The following PCSK5 variants were observed in gnomAD, a reference collection of about 807,000 sequenced individuals.
PCSK5 encodes proprotein convertase subtilisin/kexin type 5.
A neutral mutation model predicts 233.2 loss-of-function variants in PCSK5; 129 were observed. The ratio of observed to expected loss-of-function variants is 0.55; its 90% confidence interval spans 0.48 to 0.64. PCSK5 has a LOEUF of 0.64. Among genes scored for constraint, PCSK5 ranks in the 30% least tolerant of loss-of-function variants. PCSK5 has a pLI of 0.00. For synonymous variants in PCSK5, 825 were observed against 879.2 expected (o/e 0.94, Z 1.09); for missense variants, 2,076 against 2,430.1 (o/e 0.85, Z 3.06).
intron 9 of PCSK5, among the ~76,000 whole-genome samples, chr9:76,118,758 A>G (rs191434927): frequency 1.8e-3 from 277 of 152,130 alleles, no homozygotes; most frequent in African/African-American, 6.0e-3. Flanking sequence ...ACATATATAT[A>G]AATCATGCAG....
At chr9:76,219,912 C>T (rs776311547) in intron 20 of PCSK5, among the ~76,000 whole-genome samples, 7 of 152,200 alleles carry the variant, frequency 4.6e-5, no homozygotes, top group Non-Finnish European at 8.8e-5. Flanking sequence ...TTAGATATCG[C>T]CTCACCGTGA....
At chr9:76,046,539 C>CT (rs34569367) in intron 5 of PCSK5, among the ~76,000 whole-genome samples, 7 of 131,864 alleles carry the variant, frequency 5.3e-5, no homozygotes, top group Non-Finnish European at 9.5e-5. Context: ...AACTCTAGTT[C>CT]TTTTTTTTTC....
At chr9:75,926,562 C>G (rs935131960) in intron 1 of PCSK5, among the ~76,000 whole-genome samples, 1 of 152,200 alleles carries the variant, frequency 6.6e-6, no homozygotes, top group Non-Finnish European at 1.5e-5. Flanking sequence ...AAATGCAAAA[C>G]ATTCTCAGCA....
chr9:76,232,729 T>G (rs150622376), intron 21 of PCSK5, among the ~76,000 whole-genome samples: 57 of 152,306 alleles, frequency 3.7e-4, no homozygotes, highest in African/African-American at 1.3e-3. Flanking sequence ...CAAAGAATAA[T>G]GAAGCAAAAC....
At chr9:75,943,987 A>AC (rs1305361000) in intron 2 of PCSK5, among the ~76,000 whole-genome samples, 20 of 151,824 alleles carry the variant, frequency 1.3e-4, no homozygotes, top group Non-Finnish European at 2.9e-4. Flanking sequence ...ACATAGTGAG[A>AC]CCCCGTCTCA....
At chr9:76,339,378 T>C (rs1829767670) in intron 35 of PCSK5, among the ~76,000 whole-genome samples, 1 of 152,264 alleles carries the variant, frequency 6.6e-6, no homozygotes, top group South Asian at 2.1e-4. Context: ...TTTTTAAAAA[T>C]CTTTCATTTT....
intron 20 of PCSK5, chr9:76,195,762 T>C (rs902735907): frequency 2.0e-5 from 3 of 152,178 alleles, no homozygotes; most frequent in East Asian, 3.8e-4. Flanking sequence ...TGAAAAATAC[T>C]GTACATGTGT....
At chr9:75,951,377 G>C (rs1373270257) in intron 2 of PCSK5, among the ~76,000 whole-genome samples, 5 of 152,150 alleles carry the variant, frequency 3.3e-5, no homozygotes, top group Non-Finnish European at 5.9e-5. Context: ...AATTATGAAG[G>C]CATTCTGAAA....
Position 75,891,205 on chromosome 9 carries a change from C to T in PCSK5, c.24C>T (p.Cys8=). The T allele has an allele frequency of 1.3e-6, 2 of 1,487,872 alleles. No individual in the cohort carries two copies. Among genetic ancestry groups the T allele is most frequent in the South Asian group, 1.4e-5 (1 of 70,806 alleles). The allele number at this position is 1,487,872 out of a possible 1,614,324, so 92.2% of individuals were successfully genotyped here. A position where few individuals can be genotyped will look rare whatever the true frequency, so the allele number is the denominator to read the frequency against. The change falls in exon 1 of 38, where the codon TGC becomes TGT. Residue 8 remains cysteine, a synonymous_variant. Transcript: ENST00000674117. MGWGSRC[C]CPGRLDLLCV... ...CCATGGGCTGGGGGAGCCGCTGCTG[C>T]TGCCCGGGACGTTTGGACCTGCTGT...
Position 76,134,083 on chromosome 9 carries a change from A to G in PCSK5, c.1209-26A>G, listed in dbSNP as rs368179217. The stretch of plus-strand genomic sequence containing the variant: ...CCCCATCTTTTTTTTTTTTGGTACA[A>G]TGATTCTTACCTTGTCTTTCCCCAG... On this transcript the variant is annotated intron_variant, in intron 9 of 37. Transcript: ENST00000674117. 81 of 1,407,126 alleles carry G rather than the reference A, an allele frequency of 5.8e-5. No homozygotes were observed. Among genetic ancestry groups the G allele is most frequent in the Middle Eastern group, 1.8e-4 (1 of 5,618 alleles). 87.2% of individuals were successfully genotyped at this position (1,407,126 alleles called of 1,614,324 possible). A position where few individuals can be genotyped will look rare whatever the true frequency, so the allele number is the denominator to read the frequency against.
At chr9:76,335,587 T>C (rs1057148695) in intron 34 of PCSK5, among the ~76,000 whole-genome samples, 4 of 152,130 alleles carry the variant, frequency 2.6e-5, no homozygotes, top group Non-Finnish European at 5.9e-5. Flanking sequence ...AAAAGATGAG[T>C]CCTCAAAGCA....
chr9:76,043,959 C>T (rs532378994), intron 5 of PCSK5, among the ~76,000 whole-genome samples: 1 of 152,142 alleles, frequency 6.6e-6, no homozygotes, highest in East Asian at 1.9e-4. Flanking sequence ...CTCTATGTCC[C>T]ATCACACACA....
intron 3 of PCSK5, among the ~76,000 whole-genome samples, chr9:76,007,148 T>C (rs1827513150): frequency 6.6e-6 from 1 of 152,196 alleles, no homozygotes; most frequent in African/African-American, 2.4e-5. Context: ...AGCGTTCAGT[T>C]TATTTCCAGG....
At chr9:76,130,050 A>G (rs1407745435) in intron 9 of PCSK5, among the ~76,000 whole-genome samples, 3 of 152,154 alleles carry the variant, frequency 2.0e-5, no homozygotes, top group African/African-American at 7.2e-5. Context: ...TCATAACAAT[A>G]ATGGTATGCA....
rs549462899 is a variant in PCSK5, at chr9:75,929,926, G to C, written c.193-2453G>C. On this transcript the variant is annotated intron_variant, in intron 1 of 37. Transcript: ENST00000674117. ...TGCCCAGGCTGGAGTACAGTGGCAC[G>C]ATCTTGGCTCACTGCAACCTCCGCC... Among the ~76,000 whole-genome samples the C allele has an allele frequency of 3.9e-4, 58 of 150,002 alleles. No individual in the cohort carries two copies. In the Middle Eastern group the frequency reaches 0.01, roughly 27 times the overall value.
At chr9:76,125,901 G>T (rs1306580078) in intron 9 of PCSK5, among the ~76,000 whole-genome samples, 1 of 152,120 alleles carries the variant, frequency 6.6e-6, no homozygotes, top group Non-Finnish European at 1.5e-5. Context: ...AATGATGCAG[G>T]ACTAGCAATC....
At chr9:75,905,285 A>C (rs528289382) in intron 1 of PCSK5, among the ~76,000 whole-genome samples, 1 of 152,242 alleles carries the variant, frequency 6.6e-6, no homozygotes, top group Admixed American at 6.5e-5. Flanking sequence ...AAAGTGGGAG[A>C]ATCACTTGAG....
chr9:76,205,172 G>A (rs756579379), intron 20 of PCSK5: 4 of 518,788 alleles, frequency 7.7e-6, no homozygotes, highest in South Asian at 2.8e-5. Context: ...ATAAACCTCA[G>A]TTTGCAGCTA....
chr9:76,255,203 C>A (rs1297862981), intron 24 of PCSK5, among the ~76,000 whole-genome samples: 1 of 151,996 alleles, frequency 6.6e-6, no homozygotes, highest in Non-Finnish European at 1.5e-5. Flanking sequence ...GGGATGATTG[C>A]CTGAGCCCGG....
Sources: gnomAD v4.1 joint callset for allele counts (sites outside exome capture counted in the v4.1 genomes callset) on GRCh38, gnomAD v4.1.1 for gene constraint, MANE v1.5 for transcripts, NCBI Gene and HGNC (gene_info 2026-07-23, HGNC 2026-07-21) for gene names.